ABCB4: variants seen among roughly 807,000 people sequenced by gnomAD.
ABCB4 encodes phosphatidylcholine translocator ABCB4.
In ABCB4, 76 loss-of-function variants were observed where a neutral mutation model predicts 145.7. The ratio of observed to expected loss-of-function variants is 0.52; its 90% CI spans 0.43 to 0.63. The LOEUF (loss-of-function observed/expected upper bound fraction) is 0.63. Among genes scored for constraint, ABCB4 ranks in the 30% least tolerant of loss-of-function variants. The probability of loss-of-function intolerance (pLI) is 0.00; values close to 1 mark genes in which losing one functional copy is unlikely to be tolerated. For synonymous variants in ABCB4, 517 were observed against 566.8 expected, an observed-to-expected ratio of 0.91 and a Z score of 1.25; for missense variants, 1,234 against 1,553.1, an observed-to-expected ratio of 0.79 and a Z score of 3.45.
At chr7:87,462,393 C>T (rs991210357) in intron 4 of ABCB4, among the ~76,000 whole-genome samples, 2 of 152,082 alleles carry the variant, frequency 1.3e-5, no homozygotes, top group African/African-American at 4.8e-5. Flanking sequence ...AGAAGTACTG[C>T]CATGTTTAAC....
the ABCB4 span, chr7:87,382,581 G>C: frequency 1.9e-6 from 3 of 1,573,890 alleles, no homozygotes. Context: ...CAGTCTTGAA[G>C]TCCAAGGGTA....
Position 87,401,923 on chromosome 7 carries a change from T to C in ABCB4, c.*173A>G. The stretch of plus-strand genomic sequence containing the variant: ...ACTTCATCAAGACAGGTGTCACTTC[T>C]AACTCTCAAATTTCAAATGCCGTAA... On this transcript the variant is annotated 3_prime_UTR_variant, in exon 28 of 28. Coordinates refer to ENST00000649586, the MANE Select transcript of ABCB4 (RefSeq NM_000443.4). The C allele has an allele frequency of 1.2e-6, 1 of 860,208 alleles. No individual in the cohort carries two copies. Among genetic ancestry groups the C allele is most frequent in the African/African-American group, 1.7e-5 (1 of 60,244 alleles). 53.3% of individuals were successfully genotyped at this position (860,208 alleles called of 1,614,324 possible).
intron 3 of ABCB4, 22 bp from the exon 4 acceptor site, chr7:87,462,930 A>G (rs1812562569): frequency 1.2e-6 from 2 of 1,606,618 alleles, no homozygotes; most frequent in Non-Finnish European, 1.7e-6. Context: ...AAATAAAATA[A>G]TACTTAGCTG....
intron 14 of ABCB4, among the ~76,000 whole-genome samples, chr7:87,435,774 A>G (rs1340423445): frequency 1.3e-5 from 2 of 152,250 alleles, no homozygotes; most frequent in African/African-American, 4.8e-5. Context: ...GCTTAAAACA[A>G]CTGATACAGA....
chr7:87,371,388 C>T, the ABCB4 span, among the ~76,000 whole-genome samples: 14 of 152,290 alleles, frequency 9.2e-5, no homozygotes, highest in Middle Eastern at 3.4e-3. Context: ...TAAACTATTA[C>T]ATAGAATTCC....
chr7:87,382,339 G>A, the ABCB4 span: 2 of 1,496,400 alleles, frequency 1.3e-6, no homozygotes, highest in Admixed American at 3.8e-5. Flanking sequence ...TTTAATGCAG[G>A]TGATAATTTG....
chr7:87,420,162 A>G, intron 18 of ABCB4, 87 bp from the exon 19 acceptor site: 1 of 1,283,622 alleles, frequency 7.8e-7, no homozygotes, highest in Non-Finnish European at 1.1e-6. Context: ...TATGTAGCAA[A>G]GTTATGAGTT....
chr7:87,413,202 A>C (rs1026147519), intron 22 of ABCB4, among the ~76,000 whole-genome samples: 1 of 152,238 alleles, frequency 6.6e-6, no homozygotes, highest in African/African-American at 2.4e-5. Flanking sequence ...GTCCTCATTC[A>C]GAGAACAAAT....
At position 87,443,786 on chromosome 7, in the gene ABCB4, A is replaced by G; in HGVS notation, c.1120-13T>C. The G allele has an allele frequency of 6.3e-7, 1 of 1,583,668 alleles. No individual in the cohort carries two copies. Among genetic ancestry groups the G allele is most frequent in the Non-Finnish European group, 8.7e-7 (1 of 1,152,492 alleles). On this transcript the variant is annotated splice_polypyrimidine_tract_variant and intron_variant, in intron 10 of 27. Coordinates refer to ENST00000649586, the MANE Select transcript of ABCB4 (RefSeq NM_000443.4). Reference sequence around the variant, plus strand: ...CAATTTTAGGATTCTAAATAAAACAAAATGTAATGACTATTCCATCATAGC... The same window carrying G: ...CAATTTTAGGATTCTAAATAAAACAGAATGTAATGACTATTCCATCATAGC...
Position 87,423,630 on chromosome 7 carries a change from T to C in ABCB4, c.2211+276A>G, listed in dbSNP as rs1584708054. 4.8e-5 allele frequency: 21 copies of C among 437,886 alleles called. 1 individual carries two copies. The highest frequency in any genetic ancestry group is 4.3e-4 in the South Asian group (20 of 47,048). 27.1% of individuals were successfully genotyped at this position (437,886 alleles called of 1,614,324 possible). On this transcript the variant is annotated intron_variant, in intron 17 of 27. Coordinates refer to ENST00000649586, the MANE Select transcript of ABCB4 (RefSeq NM_000443.4). The stretch of plus-strand genomic sequence containing the variant: ...TTCTACACAAACAGATTGGGGATCA[T>C]TGTCTGACACCAGTTTCACCAAATG...
the ABCB4 span, chr7:87,393,063 G>A: frequency 6.2e-7 from 1 of 1,612,708 alleles, no homozygotes; most frequent in Non-Finnish European, 8.5e-7. Flanking sequence ...TATCAGAGAT[G>A]ACAGGTGAGG....
chr7:87,372,021 C>CA, the ABCB4 span, among the ~76,000 whole-genome samples: 434 of 126,662 alleles, frequency 3.4e-3, no homozygotes, highest in African/African-American at 0.012. Flanking sequence ...AAAAAAAAAA[C>CA]AAAAAAAAGC....
intron 22 of ABCB4, among the ~76,000 whole-genome samples, chr7:87,412,629 G>T (rs1381323828): frequency 6.6e-6 from 1 of 152,140 alleles, no homozygotes; most frequent in East Asian, 1.9e-4. Context: ...TCCTCCAAAA[G>T]AACTATAATT....
chr7:87,470,932 A>G (rs1356392772), intron 3 of ABCB4, among the ~76,000 whole-genome samples: 1 of 152,188 alleles, frequency 6.6e-6, no homozygotes, highest in Admixed American at 6.5e-5. Context: ...TGTTTATTGC[A>G]GCACTATTCA....
At chr7:87,436,422 A>T (rs990951728) in intron 14 of ABCB4, among the ~76,000 whole-genome samples, 1 of 152,200 alleles carries the variant, frequency 6.6e-6, no homozygotes, top group African/African-American at 2.4e-5. Flanking sequence ...TAAAATATAT[A>T]GGCATAACTT....
At chr7:87,401,387 A>T (rs774966122), downstream of ABCB4, among the ~76,000 whole-genome samples, 5 of 152,168 alleles carry the variant, frequency 3.3e-5, no homozygotes, top group Non-Finnish European at 7.3e-5. Flanking sequence ...GGAAAAACGG[A>T]TTTTCTGGGA....
intron 21 of ABCB4, among the ~76,000 whole-genome samples, chr7:87,416,130 A>G (rs1475583377): frequency 6.6e-6 from 1 of 152,220 alleles, no homozygotes; most frequent in Non-Finnish European, 1.5e-5. Flanking sequence ...ATGCAGCGTG[A>G]AAATGAGGAG....
chr7:87,419,788 G>GA (rs200409056), intron 19 of ABCB4, among the ~76,000 whole-genome samples: 1,720 of 42,006 alleles, frequency 0.041, 44 homozygotes, highest in African/African-American at 0.11. Context: ...CTATTTCTAT[G>GA]AAAAAAAACA....
intron 19 of ABCB4, 29 bp from the exon 20 acceptor site, chr7:87,418,649 G>C: frequency 6.2e-7 from 1 of 1,601,698 alleles, no homozygotes; most frequent in Non-Finnish European, 8.6e-7. Flanking sequence ...GTTTATGTTA[G>C]TTCAAAATTA....
Sources: allele counts gnomAD v4.1 joint callset (sites outside exome capture counted in the v4.1 genomes callset), GRCh38; gene constraint gnomAD v4.1.1; transcripts MANE v1.5; gene names NCBI Gene and HGNC (gene_info 2026-07-23, HGNC 2026-07-21).